PTPRD: variants seen among roughly 807,000 people sequenced by gnomAD.
PTPRD encodes the protein protein tyrosine phosphatase receptor type D.
In PTPRD, 34 loss-of-function variants were observed where a neutral mutation model predicts 214.5. The ratio of observed to expected loss-of-function variants is 0.16; its 90% CI spans 0.12 to 0.21. PTPRD has a LOEUF of 0.21. Ranked by LOEUF, PTPRD falls within the 10% of genes least tolerant of loss-of-function variation. PTPRD has a pLI of 1.00. For synonymous variants in PTPRD, 1,128 were observed against 845.7 expected, an observed-to-expected ratio of 1.33 and a Z score of -5.79; for missense variants, 2,545 against 2,398.7, an observed-to-expected ratio of 1.06 and a Z score of -1.27.
rs2099680488 is a variant in PTPRD, at chr9:9,049,480, A to G, written c.-142-30745T>C. ...TGGTTCACAGATTTGCCATTTCGCT[A>G]GATTTAACAGAGATAGTAAATGTAG... On this transcript the variant is annotated intron_variant, in intron 10 of 45. Coordinates refer to ENST00000381196, the MANE Select transcript of PTPRD (RefSeq NM_002839.4). Among the ~76,000 whole-genome samples, 5 of 152,194 alleles carry G rather than the reference A, an allele frequency of 3.3e-5. No homozygotes were observed. In the South Asian group the frequency reaches 1.0e-3, roughly 31 times the overall value.
At chr9:9,672,706 T>A (rs1455617740) in intron 7 of PTPRD, among the ~76,000 whole-genome samples, 3 of 152,032 alleles carry the variant, frequency 2.0e-5, no homozygotes, top group Non-Finnish European at 4.4e-5. Flanking sequence ...TGACAGGGAG[T>A]TATTATCCAC....
intron 2 of PTPRD, among the ~76,000 whole-genome samples, chr9:10,570,999 C>T (rs2067253957): frequency 6.6e-6 from 1 of 151,954 alleles, no homozygotes; most frequent in African/African-American, 2.4e-5. Context: ...CAGAATATAC[C>T]AGAAGGTCAT....
At chr9:10,303,772 T>C (rs1318726201) in intron 3 of PTPRD, among the ~76,000 whole-genome samples, 1 of 152,148 alleles carries the variant, frequency 6.6e-6, no homozygotes, top group Non-Finnish European at 1.5e-5. Flanking sequence ...CAGTTATTAA[T>C]AGTCTACCAA....
chr9:10,118,671 T>C (rs1055025761), intron 3 of PTPRD, among the ~76,000 whole-genome samples: 3 of 151,472 alleles, frequency 2.0e-5, no homozygotes, highest in African/African-American at 4.8e-5. Flanking sequence ...TGTAATATAA[T>C]ATAAAAATTA....
chr9:8,905,756 T>C (rs1342728926), intron 11 of PTPRD, among the ~76,000 whole-genome samples: 1 of 122,546 alleles, frequency 8.2e-6, no homozygotes, highest in African/African-American at 3.3e-5. Flanking sequence ...AAAAAAAAAA[T>C]GGAGAGAGAG....
intron 9 of PTPRD, among the ~76,000 whole-genome samples, chr9:9,382,229 T>C (rs1291912370): frequency 3.9e-5 from 6 of 152,166 alleles, no homozygotes; most frequent in African/African-American, 1.4e-4. Context: ...ATGTTGATTT[T>C]ATATATTACA....
chr9:9,209,892 C>G (rs1223163403), intron 9 of PTPRD, among the ~76,000 whole-genome samples: 2 of 152,082 alleles, frequency 1.3e-5, no homozygotes, highest in African/African-American at 2.4e-5. Context: ...CTTTATTACT[C>G]TCAGCAGAGC....
intron 11 of PTPRD, among the ~76,000 whole-genome samples, chr9:8,967,693 C>T (rs1362599382): frequency 6.6e-6 from 1 of 152,036 alleles, no homozygotes; most frequent in Admixed American, 6.6e-5. Flanking sequence ...TGAATTCTTA[C>T]TGAAATATAC....
intron 2 of PTPRD, among the ~76,000 whole-genome samples, chr9:10,372,708 C>T (rs1015986046): frequency 7.2e-5 from 11 of 151,912 alleles, no homozygotes; most frequent in African/African-American, 2.4e-4. Context: ...TAAGTTCAGT[C>T]GCTTCATGAG....
intron 9 of PTPRD, among the ~76,000 whole-genome samples, chr9:9,238,305 T>G (rs952741567): frequency 1.3e-5 from 2 of 152,082 alleles, no homozygotes; most frequent in African/African-American, 4.8e-5. Flanking sequence ...GTGAAGGCAC[T>G]TGACCTTTGG....
At chr9:10,578,459 T>C (rs935702910) in intron 2 of PTPRD, among the ~76,000 whole-genome samples, 2 of 152,136 alleles carry the variant, frequency 1.3e-5, no homozygotes, top group Admixed American at 6.6e-5. Flanking sequence ...AAAATGCAGA[T>C]TACCAAAATA....
At chr9:9,284,065 A>G (rs1039792967) in intron 9 of PTPRD, among the ~76,000 whole-genome samples, 1 of 151,680 alleles carries the variant, frequency 6.6e-6, no homozygotes, top group Non-Finnish European at 1.5e-5. Context: ...TATCTCTAAC[A>G]CTAAGTAAAC....
chr9:8,959,568 C>G (rs1292669907), intron 11 of PTPRD, among the ~76,000 whole-genome samples: 1 of 151,894 alleles, frequency 6.6e-6, no homozygotes, highest in African/African-American at 2.4e-5. Context: ...TGAAACATCA[C>G]AAGTGCAAGT....
intron 9 of PTPRD, among the ~76,000 whole-genome samples, chr9:9,351,928 A>T (rs923258110): frequency 6.6e-6 from 1 of 152,010 alleles, no homozygotes; most frequent in African/African-American, 2.4e-5. Context: ...TCTGGAACAC[A>T]GTAAGAGCTT....
At chr9:9,027,658 A>C (rs2099591667) in intron 10 of PTPRD, among the ~76,000 whole-genome samples, 1 of 151,958 alleles carries the variant, frequency 6.6e-6, no homozygotes, top group Non-Finnish European at 1.5e-5. Flanking sequence ...AGTACATTTG[A>C]AAAGTCCTAT....
chr9:8,343,348 C>G (rs1010994082), intron 39 of PTPRD, among the ~76,000 whole-genome samples: 2 of 151,970 alleles, frequency 1.3e-5, no homozygotes, highest in Non-Finnish European at 2.9e-5. Flanking sequence ...AATCCAATCC[C>G]AAGTATAAAC....
chr9:8,762,108 G>A (rs1254995663), intron 11 of PTPRD, among the ~76,000 whole-genome samples: 1 of 152,118 alleles, frequency 6.6e-6, no homozygotes, highest in Non-Finnish European at 1.5e-5. Flanking sequence ...GGATGTGTGT[G>A]TGTATATATA....
chr9:9,082,226 G>T (rs761395243), intron 10 of PTPRD, among the ~76,000 whole-genome samples: 36 of 151,652 alleles, frequency 2.4e-4, no homozygotes, highest in Non-Finnish European at 4.9e-4. Context: ...CTGGCAAACC[G>T]AATCCAGCAG....
intron 44 of PTPRD, among the ~76,000 whole-genome samples, chr9:8,327,524 A>T (rs897787903): frequency 1.3e-5 from 2 of 152,138 alleles, no homozygotes; most frequent in Non-Finnish European, 2.9e-5. Flanking sequence ...ATTTGGGTGG[A>T]GAGTTCTGTA....
Sources: gnomAD v4.1 joint callset for allele counts (sites outside exome capture counted in the v4.1 genomes callset) on GRCh38, gnomAD v4.1.1 for gene constraint, MANE v1.5 for transcripts, NCBI Gene and HGNC (gene_info 2026-07-23, HGNC 2026-07-21) for gene names.